The following TMEM165 variants were observed in gnomAD, a reference collection of about 807,000 sequenced individuals.
The protein encoded by TMEM165 is transmembrane protein 165.
In TMEM165, 19 loss-of-function variants were observed where a neutral mutation model predicts 30.0. That is an observed-to-expected ratio of 0.63 (90% CI 0.44 to 0.93). The LOEUF (loss-of-function observed/expected upper bound fraction) is 0.93, where lower values mean the gene tolerates loss of function less well. Ranked by LOEUF, TMEM165 falls within the 40% of genes least tolerant of loss-of-function variation. The probability of loss-of-function intolerance (pLI) is 0.00; values close to 1 mark genes in which losing one functional copy is unlikely to be tolerated. For synonymous variants in TMEM165, 168 were observed against 162.9 expected (o/e 1.03, Z -0.24); for missense variants, 340 against 417.0 (o/e 0.82, Z 1.61).
chr4:55,442,586 T>C (rs1250620057), intron 3 of TMEM165: 1 of 1,612,374 alleles, frequency 6.2e-7, no homozygotes, highest in Admixed American at 1.7e-5. Context: ...TGTGTCTGAC[T>C]GGGTAGAGAT....
chr4:55,410,130 ACTT>A (rs915140767), intron 1 of TMEM165, among the ~76,000 whole-genome samples: 5 of 151,920 alleles, frequency 3.3e-5, no homozygotes, highest in African/African-American at 1.2e-4. Context: ...ATTTCTTGTA[ACTT>A]CTTAAAAATG....
rs143191527 is a variant in TMEM165, at chr4:55,437,414, T to C, written c.408+12771T>C. On this transcript the variant is annotated intron_variant, in intron 3 of 3. Coordinates refer to the TMEM165 transcript ENST00000608091. ...AAAGGTAGATTTCTAGTGAGGATCCTGAGGTCCAGATAAGGGTTTTGTACA... is the reference window on the plus strand; with the variant it reads ...AAAGGTAGATTTCTAGTGAGGATCCCGAGGTCCAGATAAGGGTTTTGTACA... 6.5e-3 allele frequency among the ~76,000 whole-genome samples: 996 copies of C among 152,330 alleles called. 16 individuals are homozygous for C. Among genetic ancestry groups the C allele is most frequent in the African/African-American group, 0.022 (926 of 41,576 alleles).
chr4:55,400,002 T>G (rs1278540976), intron 1 of TMEM165, among the ~76,000 whole-genome samples: 1 of 147,234 alleles, frequency 6.8e-6, no homozygotes, highest in Non-Finnish European at 1.5e-5. Flanking sequence ...TATAATTGTC[T>G]TCTTTTCTTC....
rs1053166830 is a variant in TMEM165, at chr4:55,425,760, C to G, written c.*308C>G. ...TCTACCATGCAATTTTCTTTCAGCA[C>G]TGACCCCTTTTTAAGGAATACAAAT... On this transcript the variant is annotated 3_prime_UTR_variant, in exon 6 of 6. Transcript: ENST00000381334. The G allele has an allele frequency of 1.0e-5, 2 of 193,220 alleles. No individual in the cohort carries two copies. The highest frequency in any genetic ancestry group is 2.1e-5 in the Non-Finnish European group (2 of 95,950). 12.0% of individuals were successfully genotyped at this position (193,220 alleles called of 1,614,324 possible). A position where few individuals can be genotyped will look rare whatever the true frequency, so the allele number is the denominator to read the frequency against.
chr4:55,448,696 C>G (rs1724154108), intron 3 of TMEM165: 2 of 1,071,448 alleles, frequency 1.9e-6, no homozygotes, highest in South Asian at 1.3e-5. Context: ...TGCCAGCAAG[C>G]CTGGATTTTT....
At chr4:55,451,018 A>G (rs1393642267) in intron 3 of TMEM165, among the ~76,000 whole-genome samples, 1 of 151,470 alleles carries the variant, frequency 6.6e-6, no homozygotes, top group Non-Finnish European at 1.5e-5. Flanking sequence ...GTATACAAAC[A>G]TGCTGTTATT....
At chr4:55,426,454 A>ACTAC (rs1722205396), downstream of TMEM165, among the ~76,000 whole-genome samples, 1 of 152,172 alleles carries the variant, frequency 6.6e-6, no homozygotes, top group African/African-American at 2.4e-5. Context: ...TTATGCTAAG[A>ACTAC]CTACCTCATT....
intron 3 of TMEM165, chr4:55,442,549 T>TTATA: frequency 6.2e-7 from 1 of 1,611,382 alleles, no homozygotes; most frequent in Non-Finnish European, 8.5e-7. Flanking sequence ...CACCATAGTG[T>TTATA]TATACAGTGG....
chr4:55,450,180 G>A (rs762296286), intron 3 of TMEM165: 1 of 1,613,962 alleles, frequency 6.2e-7, no homozygotes. Flanking sequence ...CCTTTCCAAT[G>A]CTTCCTTGAG....
At chr4:55,402,277 A>T (rs1721030129) in intron 1 of TMEM165, among the ~76,000 whole-genome samples, 1 of 146,442 alleles carries the variant, frequency 6.8e-6, no homozygotes, top group South Asian at 2.1e-4. Context: ...GTAACAATAA[A>T]GTATTTAAAA....
chr4:55,437,016 T>C (rs1307979474), intron 3 of TMEM165, among the ~76,000 whole-genome samples: 3 of 151,944 alleles, frequency 2.0e-5, no homozygotes, highest in African/African-American at 7.3e-5. Context: ...TAATTCTCAT[T>C]GGATACATTT....
At position 55,411,846 on chromosome 4, in the gene TMEM165, G is replaced by A. The variant is rs1721514045; in HGVS notation, c.433+7G>A. 1.2e-6 allele frequency: 2 copies of A among 1,613,714 alleles called. No individual in the cohort carries two copies. Among genetic ancestry groups the A allele is most frequent in the South Asian group, 2.2e-5 (2 of 91,070 alleles). ...CTAATGACATGCTTGTCAGGTGAGTGTGCTTTTCCCTCTCATGAGTTCGCT... is the reference window on the plus strand; with the variant it reads ...CTAATGACATGCTTGTCAGGTGAGTATGCTTTTCCCTCTCATGAGTTCGCT... On this transcript the variant is annotated splice_region_variant and intron_variant, in intron 2 of 5. Transcript: ENST00000381334.
chr4:55,424,899 T>A, intron 5 of TMEM165: 1 of 438,774 alleles, frequency 2.3e-6, no homozygotes, highest in Non-Finnish European at 4.0e-6. Context: ...AGTAAAACAA[T>A]TGTCATTTGG....
At chr4:55,442,735 G>C (rs1363211838) in intron 3 of TMEM165, 2 of 1,032,664 alleles carry the variant, frequency 1.9e-6, no homozygotes, top group South Asian at 1.4e-5. Flanking sequence ...ATATGACAGA[G>C]AAAGAAGTGG....
Position 55,424,604 on chromosome 4 carries a change from G to T in TMEM165, c.859G>T (p.Gly287Ter). ...HCLCTGLAVI[G>*]GRMIAQKISV... ...CCTGTGCACGGGATTGGCAGTAATT[G>T]GAGGAAGAATGATAGCACAGAAAAT... Residue 287 changes from glycine to a stop codon, truncating the protein, a stop_gained, in exon 5 of 6, where the codon GGA (glycine) becomes TGA (stop). Transcript: ENST00000381334. LOFTEE classifies it high-confidence loss of function. The T allele has an allele frequency of 6.2e-7, 1 of 1,613,708 alleles. No individual in the cohort carries two copies.
At chr4:55,448,597 C>CGTGT (rs1464115730) in intron 3 of TMEM165, among the ~76,000 whole-genome samples, 2 of 72,922 alleles carry the variant, frequency 2.7e-5, no homozygotes, top group African/African-American at 1.4e-4. Flanking sequence ...CGCGCGCACG[C>CGTGT]GCGCGTGTGT....
chr4:55,406,366 C>CT (rs1721267316), intron 1 of TMEM165, among the ~76,000 whole-genome samples: 1 of 152,160 alleles, frequency 6.6e-6, no homozygotes, highest in Non-Finnish European at 1.5e-5. Flanking sequence ...GTCTCTTTTC[C>CT]TTTTTTGTAT....
rs1224256602 is a variant in TMEM165, at chr4:55,402,434, T to TATACACACA, written c.207+6038_207+6039insATACACACA. Among the ~76,000 whole-genome samples, 9 of 27,052 alleles carry TATACACACA rather than the reference T, an allele frequency of 3.3e-4. No homozygotes were observed. The South Asian group carries it at 8.6e-3, about 26-fold the overall frequency. 17.7% of individuals were successfully genotyped at this position (27,052 alleles called of 152,430 possible). A position where few individuals can be genotyped will look rare whatever the true frequency, so the allele number is the denominator to read the frequency against. ...ATATATATATATATATATATATATA[T>TATACACACA]TTTTTTTTTTTTTTTTTTTTTTTTT... On this transcript the variant is annotated intron_variant, in intron 1 of 5. Transcript: ENST00000381334.
At chr4:55,450,064 A>G in intron 3 of TMEM165, 1 of 1,613,818 alleles carries the variant, frequency 6.2e-7, no homozygotes, top group Non-Finnish European at 8.5e-7. Context: ...CTTTAAAGGA[A>G]GTCTGCTTTG....
Sources: allele counts gnomAD v4.1 joint callset (sites outside exome capture counted in the v4.1 genomes callset), GRCh38; gene constraint gnomAD v4.1.1; transcripts MANE v1.5; gene names NCBI Gene and HGNC (gene_info 2026-07-23, HGNC 2026-07-21).